The following SPMIP2 variants were observed in gnomAD, a reference collection of about 807,000 sequenced individuals.
The protein encoded by SPMIP2 is protein SPMIP2.
the SPMIP2 span, among the ~76,000 whole-genome samples, chr4:159,041,871 T>C: frequency 6.6e-6 from 1 of 152,260 alleles, no homozygotes; most frequent in Admixed American, 6.5e-5. Flanking sequence ...ACAGAATTAT[T>C]ACCCTGATTC....
At chr4:158,980,108 A>G in the SPMIP2 span, among the ~76,000 whole-genome samples, 1 of 150,516 alleles carries the variant, frequency 6.6e-6, no homozygotes, top group Non-Finnish European at 1.5e-5. Flanking sequence ...ACTGAGCAGC[A>G]CCCTCCACAG....
chr4:159,066,210 A>G, the SPMIP2 span, among the ~76,000 whole-genome samples: 1 of 152,222 alleles, frequency 6.6e-6, no homozygotes, highest in African/African-American at 2.4e-5. Context: ...TTTTGCCATA[A>G]AACACTATGA....
chr4:159,017,247 C>G, the SPMIP2 span, among the ~76,000 whole-genome samples: 1 of 151,886 alleles, frequency 6.6e-6, no homozygotes, highest in Admixed American at 6.6e-5. Flanking sequence ...TATTATTGGC[C>G]CAGGTTAAGG....
chr4:159,075,175 G>A, the SPMIP2 span, among the ~76,000 whole-genome samples: 1 of 152,190 alleles, frequency 6.6e-6, no homozygotes, highest in Non-Finnish European at 1.5e-5. Context: ...GACGAGAGTG[G>A]AAATGGGTGG....
chr4:159,068,248 T>A, the SPMIP2 span, among the ~76,000 whole-genome samples: 1 of 152,132 alleles, frequency 6.6e-6, no homozygotes, highest in Non-Finnish European at 1.5e-5. Flanking sequence ...TAGCAAAGAC[T>A]TGGAATCAAC....
chr4:159,004,444 C>A, the SPMIP2 span, among the ~76,000 whole-genome samples: 1 of 151,866 alleles, frequency 6.6e-6, no homozygotes, highest in Admixed American at 6.6e-5. Context: ...GCCCATGACA[C>A]CACGCCCTAC....
the SPMIP2 span, among the ~76,000 whole-genome samples, chr4:158,973,568 A>G: frequency 6.6e-6 from 1 of 152,076 alleles, no homozygotes; most frequent in Non-Finnish European, 1.5e-5. Flanking sequence ...CAGTTTATGT[A>G]TGGGGAAAAT....
At chr4:158,924,206 G>A in the SPMIP2 span, among the ~76,000 whole-genome samples, 1 of 152,182 alleles carries the variant, frequency 6.6e-6, no homozygotes, top group African/African-American at 2.4e-5. Context: ...CTGTTGTTGA[G>A]CCACCCAGTC....
the SPMIP2 span, among the ~76,000 whole-genome samples, chr4:159,057,241 G>C: frequency 6.6e-6 from 1 of 152,234 alleles, no homozygotes; most frequent in East Asian, 1.9e-4. Context: ...AGATGGGACA[G>C]TTAGCAGGCA....
chr4:159,051,639 C>T, the SPMIP2 span, among the ~76,000 whole-genome samples: 10 of 152,174 alleles, frequency 6.6e-5, no homozygotes, highest in South Asian at 2.1e-3. Flanking sequence ...AATAGAATTT[C>T]TCTCTTTCAT....
chr4:158,968,325 G>A, the SPMIP2 span, among the ~76,000 whole-genome samples: 13 of 152,192 alleles, frequency 8.5e-5, no homozygotes, highest in East Asian at 9.6e-4. Flanking sequence ...CACCATGTCC[G>A]GCCTCAACTA....
chr4:158,958,137 C>T, the SPMIP2 span, among the ~76,000 whole-genome samples: 1 of 151,974 alleles, frequency 6.6e-6, no homozygotes, highest in Non-Finnish European at 1.5e-5. Context: ...TAGCTGGGAC[C>T]ACATGTGTGT....
the SPMIP2 span, chr4:159,007,710 T>C: frequency 1.5e-6 from 1 of 681,848 alleles, no homozygotes; most frequent in Non-Finnish European, 2.6e-6. Context: ...TGAGGCAGCC[T>C]ATGGGGAGCT....
chr4:159,003,354 AACC>A, the SPMIP2 span, among the ~76,000 whole-genome samples: 2 of 152,214 alleles, frequency 1.3e-5, no homozygotes, highest in African/African-American at 2.4e-5. Context: ...TGAAAAATAA[AACC>A]ACATCTAACA....
chr4:158,940,679 G>A, the SPMIP2 span, among the ~76,000 whole-genome samples: 11 of 149,316 alleles, frequency 7.4e-5, no homozygotes, highest in South Asian at 2.1e-4. Context: ...CTTATTTACC[G>A]TTTTCAAAAT....
chr4:158,918,845 C>T, the SPMIP2 span, among the ~76,000 whole-genome samples: 2 of 152,150 alleles, frequency 1.3e-5, no homozygotes, highest in East Asian at 1.9e-4. Flanking sequence ...GCCAGGCCCG[C>T]GTGATGGGTA....
the SPMIP2 span, among the ~76,000 whole-genome samples, chr4:159,016,413 A>G: frequency 6.6e-6 from 1 of 152,236 alleles, no homozygotes; most frequent in African/African-American, 2.4e-5. Flanking sequence ...AAATGAAAAC[A>G]TAACACTACT....
the SPMIP2 span, among the ~76,000 whole-genome samples, chr4:159,079,132 A>AAATAAT: frequency 2.6e-5 from 4 of 151,816 alleles, no homozygotes; most frequent in African/African-American, 9.7e-5. Context: ...ATAAATAAAT[A>AAATAAT]AATAATAATA....
chr4:158,992,228 C>T, the SPMIP2 span, among the ~76,000 whole-genome samples: 2 of 152,194 alleles, frequency 1.3e-5, no homozygotes, highest in South Asian at 2.1e-4. Flanking sequence ...AAATGCTGCT[C>T]GTATGAGTGC....
Sources: allele counts gnomAD v4.1 joint callset (sites outside exome capture counted in the v4.1 genomes callset), GRCh38; gene constraint gnomAD v4.1.1; transcripts MANE v1.5; gene names NCBI Gene and HGNC (gene_info 2026-07-23, HGNC 2026-07-21).